Variants in DBF4 observed in about 807,000 individuals in gnomAD.
DBF4 encodes the protein protein DBF4 homolog A.
A neutral mutation model predicts 76.6 loss-of-function variants in DBF4; 25 were observed. The observed-to-expected ratio is 0.33, with a 90% CI of 0.24 to 0.46. DBF4 has a LOEUF of 0.46. Among genes scored for constraint, DBF4 ranks in the 20% least tolerant of loss-of-function variants. The pLI is 1.00. For missense variants in DBF4, 638 were observed against 760.8 expected (o/e 0.84, Z 1.90); for synonymous variants, 213 against 258.0 (o/e 0.83, Z 1.67).
At chr7:87,899,491 T>A (rs994794422) in intron 8 of DBF4, among the ~76,000 whole-genome samples, 5 of 152,132 alleles carry the variant, frequency 3.3e-5, no homozygotes, top group African/African-American at 1.2e-4. Flanking sequence ...AAATAGCCAA[T>A]AAGCATATGA....
chr7:87,899,460 A>AT (rs939879606), intron 8 of DBF4, among the ~76,000 whole-genome samples: 15 of 152,314 alleles, frequency 9.8e-5, no homozygotes, highest in African/African-American at 3.6e-4. Flanking sequence ...CTGAATAGAC[A>AT]TTTTTCCAGA....
intron 2 of DBF4, among the ~76,000 whole-genome samples, chr7:87,881,316 G>A (rs886812308): frequency 6.6e-6 from 1 of 152,216 alleles, no homozygotes; most frequent in Admixed American, 6.5e-5. Flanking sequence ...GCTGAGGCAG[G>A]AGAATCTCTT....
chr7:87,890,836 CAG>C (rs1237947387), intron 6 of DBF4, among the ~76,000 whole-genome samples: 1 of 152,084 alleles, frequency 6.6e-6, no homozygotes, highest in Non-Finnish European at 1.5e-5. Context: ...AGCTATGAAA[CAG>C]ATCTTAATCT....
At chr7:87,896,724 T>C (rs1395610321) in intron 7 of DBF4, among the ~76,000 whole-genome samples, 1 of 152,222 alleles carries the variant, frequency 6.6e-6, no homozygotes, top group Non-Finnish European at 1.5e-5. Context: ...ATCATTAGTC[T>C]ACCAAGAAAA....
chr7:87,888,134 C>G, intron 6 of DBF4, 75 bp downstream of exon 6: 1 of 1,460,736 alleles, frequency 6.8e-7, no homozygotes, highest in Non-Finnish European at 9.1e-7. Flanking sequence ...GTTTTCCTCC[C>G]AAGCAGAAAA....
intron 6 of DBF4, among the ~76,000 whole-genome samples, chr7:87,895,666 A>G (rs1197968583): frequency 6.6e-6 from 1 of 152,142 alleles, no homozygotes; most frequent in Non-Finnish European, 1.5e-5. Context: ...GGATTTATAT[A>G]GGGAATTAGG....
chr7:87,907,564 G>A lies in DBF4; in HGVS notation c.1426G>A (p.Glu476Lys), dbSNP rs182483257. Reference protein sequence around the residue: ...EHTLSENDLEELRVDHYKCNI... With the variant: ...EHTLSENDLEKLRVDHYKCNI... ...CACATTAAGTGAAAATGACTTAGAAGAACTAAGGGTAGATCACTATAAATG... is the reference window on the plus strand; with the variant it reads ...CACATTAAGTGAAAATGACTTAGAAAAACTAAGGGTAGATCACTATAAATG... Residue 476 changes from glutamate to lysine, a missense_variant, in exon 12 of 12, where the codon GAA becomes AAA. Glu to Lys is a moderately conservative substitution (Grantham distance 56). Transcript: ENST00000265728. The A allele has an allele frequency of 6.2e-7, 1 of 1,614,076 alleles. No homozygotes were observed. Among genetic ancestry groups the A allele is most frequent in the Non-Finnish European group, 8.5e-7 (1 of 1,179,962 alleles).
At chr7:87,898,715 C>T (rs1019733782) in intron 8 of DBF4, among the ~76,000 whole-genome samples, 32 of 149,284 alleles carry the variant, frequency 2.1e-4, no homozygotes, top group African/African-American at 7.6e-4. Context: ...GGCGTGAACC[C>T]GGGAGGCAGA....
At position 87,907,255 on chromosome 7, in the gene DBF4, G is replaced by C; in HGVS notation, c.1117G>C (p.Glu373Gln). ...ASVLKKTEQK[E>Q]KVELQHISQK... ...TGTCCTGAAAAAGACTGAACAAAAG[G>C]AAAAAGTGGAATTGCAACATATTTC... The change falls in exon 12 of 12, where the codon GAA becomes CAA. Residue 373 changes from glutamate to glutamine, a missense_variant. Coordinates refer to ENST00000265728, the MANE Select transcript of DBF4 (RefSeq NM_006716.4). 1 of 1,613,604 alleles carries C rather than the reference G, an allele frequency of 6.2e-7. No individual in the cohort carries two copies. The highest frequency in any genetic ancestry group is 1.3e-5 in the African/African-American group (1 of 74,988).
In DBF4 at chr7:87,908,203, A is replaced by G. The variant is rs550095146; in HGVS notation, c.*40A>G. The stretch of plus-strand genomic sequence containing the variant: ...ATACTTTTCAGAAGTGATAAGGATC[A>G]TATTCTTGAAATTTTTATAAATATG... On this transcript the variant is annotated 3_prime_UTR_variant, in exon 12 of 12. Transcript: ENST00000265728. 97 of 1,407,196 alleles carry G rather than the reference A, an allele frequency of 6.9e-5. 1 individual carries two copies. The South Asian group carries it at 1.6e-3, about 23-fold the overall frequency. The allele number at this position is 1,407,196 out of a possible 1,614,324, so 87.2% of individuals were successfully genotyped here.
intron 6 of DBF4, among the ~76,000 whole-genome samples, chr7:87,888,532 C>T (rs1446097682): frequency 6.6e-6 from 1 of 152,184 alleles, no homozygotes; most frequent in Non-Finnish European, 1.5e-5. Context: ...CTAATGTTCC[C>T]ATTATCTTCA....
intron 2 of DBF4, among the ~76,000 whole-genome samples, chr7:87,879,672 A>G (rs1026697612): frequency 1.3e-5 from 2 of 152,154 alleles, no homozygotes; most frequent in Admixed American, 6.5e-5. Context: ...ACAAATGGCT[A>G]TCTGGCTGGT....
Position 87,904,306 on chromosome 7 carries a change from G to A in DBF4, c.939G>A (p.Glu313=). Residue 313 remains glutamate, a synonymous_variant, in exon 11 of 12, where the codon GAG becomes GAA. Transcript: ENST00000265728. ...TTTTGTTTTAGCACCTTCTAAGTGA[G>A]CAACACAGAAACTTTGCACAGAGTA... ...YEDLETHLLS[E]QHRNFAQSNQ... is the part of the protein sequence containing the mutation. 1 of 1,607,174 alleles carries A rather than the reference G, an allele frequency of 6.2e-7. No individual in the cohort carries two copies. Among genetic ancestry groups the A allele is most frequent in the Non-Finnish European group, 8.5e-7 (1 of 1,178,400 alleles).
At chr7:87,889,015 A>C (rs1027258398) in intron 6 of DBF4, among the ~76,000 whole-genome samples, 5 of 152,216 alleles carry the variant, frequency 3.3e-5, no homozygotes, top group Admixed American at 6.5e-5. Context: ...CATATTTTAG[A>C]AATCTTGTAT....
At chr7:87,903,262 TAG>T (rs746556516) in intron 10 of DBF4, among the ~76,000 whole-genome samples, 12 of 152,282 alleles carry the variant, frequency 7.9e-5, no homozygotes, top group Middle Eastern at 3.4e-3. Flanking sequence ...GTACTTTTAG[TAG>T]AGACGGGATT....
chr7:87,903,641 G>A (rs1217236015), intron 10 of DBF4, among the ~76,000 whole-genome samples: 1 of 150,962 alleles, frequency 6.6e-6, no homozygotes, highest in Admixed American at 6.6e-5. Context: ...AAGTAATAGA[G>A]GGAAATGTGT....
chr7:87,890,216 T>C (rs1342699914), intron 6 of DBF4, among the ~76,000 whole-genome samples: 9 of 152,206 alleles, frequency 5.9e-5, no homozygotes, highest in Non-Finnish European at 1.2e-4. Context: ...CTTTATAGCC[T>C]ACTGATAGGT....
chr7:87,886,906 C>T lies in DBF4; in HGVS notation c.450+12C>T, dbSNP rs761536526. The T allele has an allele frequency of 6.7e-7, 1 of 1,494,592 alleles. No homozygotes were observed. The allele number at this position is 1,494,592 out of a possible 1,614,324, so 92.6% of individuals were successfully genotyped here. Reference sequence around the variant, plus strand: ...CTATCAAGGACCATGTAAGTAGGAACTATAAAGATTCACATTGTACATTTT... The same window carrying T: ...CTATCAAGGACCATGTAAGTAGGAATTATAAAGATTCACATTGTACATTTT... On this transcript the variant is annotated intron_variant, in intron 4 of 11. Transcript: ENST00000265728.
chr7:87,876,889 A>G (rs1839063698), intron 1 of DBF4, 111 bp downstream of exon 1: 3 of 1,225,564 alleles, frequency 2.4e-6, no homozygotes, highest in Non-Finnish European at 1.2e-6. Context: ...TTTTCTTCTG[A>G]CCGGCCTCTG....
Sources: gnomAD v4.1 joint callset for allele counts (sites outside exome capture counted in the v4.1 genomes callset) on GRCh38, gnomAD v4.1.1 for gene constraint, MANE v1.5 for transcripts, NCBI Gene and HGNC (gene_info 2026-07-23, HGNC 2026-07-21) for gene names.